DEFB112: variants seen among roughly 807,000 people sequenced by gnomAD.
The protein encoded by DEFB112 is beta-defensin 112.
DEFB112 carries 2 observed loss-of-function variants against 1.1 expected under a neutral mutation model. That is an observed-to-expected ratio of 1.85 (90% confidence interval 0.76 to 5.83). DEFB112 has a LOEUF of 5.83. Among genes scored for constraint, DEFB112 ranks in the 30% most tolerant of loss-of-function variants. The probability of loss-of-function intolerance (pLI) is 0.05; values close to 1 mark genes in which losing one functional copy is unlikely to be tolerated. For synonymous variants in DEFB112, 40 were observed against 31.2 expected, an observed-to-expected ratio of 1.28 and a Z score of -0.93; for missense variants, 120 against 94.4, an observed-to-expected ratio of 1.27 and a Z score of -1.12.
At chr6:50,044,603 G>A (rs1774803674) in intron 1 of DEFB112, among the ~76,000 whole-genome samples, 1 of 152,034 alleles carries the variant, frequency 6.6e-6, no homozygotes, top group South Asian at 2.1e-4. Flanking sequence ...TGTAGTTGCA[G>A]ATATTCATTT....
Position 50,042,961 on chromosome 6 carries a change from A to G in DEFB112, c.*614T>C, listed in dbSNP as rs1201685582. 6.6e-6 allele frequency among the ~76,000 whole-genome samples: 1 copy of G among 152,050 alleles called. No homozygotes were observed. The highest frequency in any genetic ancestry group is 6.6e-5 in the Admixed American group (1 of 15,230). ...ACAAAAAAGTTAATCATAATTTCAC[A>G]TTATCGTTATTGCCACAAGCTACAG... On this transcript the variant is annotated 3_prime_UTR_variant, in exon 2 of 2. Coordinates refer to ENST00000651554, the MANE Select transcript of DEFB112 (RefSeq NM_001369057.2).
At chr6:50,043,958 C>T (rs564750699) in intron 1 of DEFB112, among the ~76,000 whole-genome samples, 157 bp from the exon 2 acceptor site, 2 of 152,100 alleles carry the variant, frequency 1.3e-5, no homozygotes, top group South Asian at 4.1e-4. Flanking sequence ...ATCAAGGAAA[C>T]CAACAAGTAT....
rs1479624500 is a variant in DEFB112, at chr6:50,042,804, A to T, written c.*771T>A. ...ATAGAAATTATATGTGTGAGCATGCATACACACATATATAATTCTGTTACA... is the reference window on the plus strand; with the variant it reads ...ATAGAAATTATATGTGTGAGCATGCTTACACACATATATAATTCTGTTACA... On this transcript the variant is annotated 3_prime_UTR_variant, in exon 2 of 2. Transcript: ENST00000651554. Among the ~76,000 whole-genome samples the T allele has an allele frequency of 6.6e-6, 1 of 152,030 alleles. No homozygotes were observed. The highest frequency in any genetic ancestry group is 1.5e-5 in the Non-Finnish European group (1 of 67,936).
Position 50,045,008 on chromosome 6 carries a change from T to C in DEFB112, c.59-1207A>G, listed in dbSNP as rs140535575. On this transcript the variant is annotated intron_variant, in intron 1 of 1. Coordinates refer to ENST00000651554, the MANE Select transcript of DEFB112 (RefSeq NM_001369057.2). The stretch of plus-strand genomic sequence containing the variant: ...TTTGAGACTACACTATCAGAGGATA[T>C]TCCTTTTAACATACTCTGGATTTGC... Among the ~76,000 whole-genome samples the C allele has an allele frequency of 1.2e-3, 185 of 152,196 alleles. 1 individual carries two copies. The highest frequency in any genetic ancestry group is 4.4e-3 in the African/African-American group (182 of 41,574).
chr6:50,046,494 T>C (rs1230314453), intron 1 of DEFB112, among the ~76,000 whole-genome samples: 1 of 152,152 alleles, frequency 6.6e-6, no homozygotes, highest in Non-Finnish European at 1.5e-5. Flanking sequence ...TTCTGTTGGA[T>C]AGATTTCAAA....
At chr6:50,048,642 A>C in intron 1 of DEFB112, 1 of 1,610,548 alleles carries the variant, frequency 6.2e-7, no homozygotes, top group Non-Finnish European at 8.5e-7. Flanking sequence ...ATGGTTGTCA[A>C]TAATTTCATA....
chr6:50,049,668 T>A (rs985339970), intron 1 of DEFB112, among the ~76,000 whole-genome samples, 144 bp downstream of exon 1: 1 of 152,136 alleles, frequency 6.6e-6, no homozygotes, highest in African/African-American at 2.4e-5. Context: ...CAAATATTTT[T>A]ACCTGAGAAC....
intron 1 of DEFB112, among the ~76,000 whole-genome samples, chr6:50,046,845 T>A (rs1056466424): frequency 2.6e-5 from 4 of 152,150 alleles, no homozygotes; most frequent in Non-Finnish European, 5.9e-5. Flanking sequence ...GAAGAACCTT[T>A]AAAGGCTATG....
chr6:50,045,821 A>G (rs192150645), intron 1 of DEFB112, among the ~76,000 whole-genome samples: 56 of 152,282 alleles, frequency 3.7e-4, no homozygotes, highest in African/African-American at 1.3e-3. Context: ...GTATCTAAAC[A>G]TAGACTGAAA....
chr6:50,042,498 T>A lies in DEFB112; in HGVS notation c.*1077A>T, dbSNP rs1418517407. On this transcript the variant is annotated 3_prime_UTR_variant, in exon 2 of 2. Coordinates refer to ENST00000651554, the MANE Select transcript of DEFB112 (RefSeq NM_001369057.2). ...AGTGACTAGCTCCCTTTTCTTCATG[T>A]GGCCTTAGTCCACAGGTTGTAAGTC... is the stretch of plus-strand genomic sequence containing the variant. Among the ~76,000 whole-genome samples the A allele has an allele frequency of 2.6e-5, 4 of 152,090 alleles. No homozygotes were observed. The highest frequency in any genetic ancestry group is 5.9e-5 in the Non-Finnish European group (4 of 67,952).
At chr6:50,048,003 G>A (rs1054258770) in intron 1 of DEFB112, among the ~76,000 whole-genome samples, 15 of 151,602 alleles carry the variant, frequency 9.9e-5, no homozygotes, top group East Asian at 5.8e-4. Flanking sequence ...AAAAATTAGC[G>A]GGGCGTGGTG....
Position 50,043,871 on chromosome 6 carries a change from G to A in DEFB112, c.59-70C>T, listed in dbSNP as rs146541142. 4.2e-5 allele frequency: 54 copies of A among 1,299,982 alleles called. No individual in the cohort carries two copies. In the South Asian group the frequency reaches 6.4e-4, roughly 15 times the overall value. 80.5% of individuals were successfully genotyped at this position (1,299,982 alleles called of 1,614,324 possible). A position where few individuals can be genotyped will look rare whatever the true frequency, so the allele number is the denominator to read the frequency against. On this transcript the variant is annotated intron_variant, in intron 1 of 1. Coordinates refer to ENST00000651554, the MANE Select transcript of DEFB112 (RefSeq NM_001369057.2). Reference sequence around the variant, plus strand: ...ACTCCCAAGATTTAAAAGAAGACATGGGAGTAATCACAGACAACAGAGGAG... The same window carrying A: ...ACTCCCAAGATTTAAAAGAAGACATAGGAGTAATCACAGACAACAGAGGAG...
At position 50,045,712 on chromosome 6, in the gene DEFB112, T is replaced by C. The variant is rs370309775; in HGVS notation, c.59-1911A>G. Among the ~76,000 whole-genome samples the C allele has an allele frequency of 1.1e-4, 17 of 152,268 alleles. No individual in the cohort carries two copies. In the South Asian group the frequency reaches 3.5e-3, roughly 32 times the overall value. On this transcript the variant is annotated intron_variant, in intron 1 of 1. Coordinates refer to ENST00000651554, the MANE Select transcript of DEFB112 (RefSeq NM_001369057.2). ...TAGATGGTACAACCTATCACATACCTAGGCTGTAAGGTATAGCCTATTACT... is the reference window on the plus strand; with the variant it reads ...TAGATGGTACAACCTATCACATACCCAGGCTGTAAGGTATAGCCTATTACT...
At chr6:50,046,207 T>C (rs1774829953) in intron 1 of DEFB112, among the ~76,000 whole-genome samples, 1 of 143,046 alleles carries the variant, frequency 7.0e-6, no homozygotes, top group Non-Finnish European at 1.5e-5. Context: ...AATTCCATCA[T>C]GAATTGAGGA....
chr6:50,046,895 G>T (rs1341724672), intron 1 of DEFB112, among the ~76,000 whole-genome samples: 1 of 152,152 alleles, frequency 6.6e-6, no homozygotes, highest in Non-Finnish European at 1.5e-5. Context: ...TGAGCCTAGG[G>T]TTACATGAGC....
intron 1 of DEFB112, among the ~76,000 whole-genome samples, chr6:50,044,454 A>G (rs951083405): frequency 8.6e-5 from 13 of 152,044 alleles, no homozygotes; most frequent in African/African-American, 2.9e-4. Context: ...GAAGTTTCCA[A>G]TGCTATAGAA....
intron 1 of DEFB112, among the ~76,000 whole-genome samples, chr6:50,044,311 T>A (rs1774799135): frequency 6.6e-6 from 1 of 152,200 alleles, no homozygotes; most frequent in South Asian, 2.1e-4. Context: ...AGAGAAGTTT[T>A]GCTAAAAAAA....
At chr6:50,049,276 GA>G (rs1012105722) in intron 1 of DEFB112, among the ~76,000 whole-genome samples, 1 of 152,078 alleles carries the variant, frequency 6.6e-6, no homozygotes, top group Non-Finnish European at 1.5e-5. Flanking sequence ...GATAATCAGA[GA>G]AAGCAGCAAG....
chr6:50,043,863 G>A, intron 1 of DEFB112, 62 bp from the exon 2 acceptor site: 1 of 1,365,034 alleles, frequency 7.3e-7, no homozygotes, highest in East Asian at 2.3e-5. Context: ...AGATTTAAAA[G>A]AAGACATGGG....
Sources: gnomAD v4.1 joint callset for allele counts (sites outside exome capture counted in the v4.1 genomes callset) on GRCh38, gnomAD v4.1.1 for gene constraint, MANE v1.5 for transcripts, NCBI Gene and HGNC (gene_info 2026-07-23, HGNC 2026-07-21) for gene names.